KAZN: variants seen among roughly 807,000 people sequenced by gnomAD.
KAZN encodes the protein kazrin.
Under a neutral mutation model 87.4 loss-of-function variants are expected in KAZN, and 40 were observed. The observed-to-expected ratio is 0.46, with a 90% CI of 0.36 to 0.60. KAZN has a LOEUF of 0.60. Ranked by LOEUF, KAZN falls within the 20% of genes least tolerant of loss-of-function variation. KAZN has a pLI of 0.00. For synonymous variants in KAZN, 466 were observed against 458.3 expected, an observed-to-expected ratio of 1.02 and a Z score of -0.22; for missense variants, 898 against 1,073.9, an observed-to-expected ratio of 0.84 and a Z score of 2.29.
At chr1:14,714,308 A>G (rs1642663698) in intron 1 of KAZN, among the ~76,000 whole-genome samples, 1 of 152,182 alleles carries the variant, frequency 6.6e-6, no homozygotes, top group South Asian at 2.1e-4. Flanking sequence ...GGTGAAGAGT[A>G]TTAGAGTATC....
At chr1:14,988,933 G>T (rs1281272064) in intron 2 of KAZN, among the ~76,000 whole-genome samples, 1 of 152,232 alleles carries the variant, frequency 6.6e-6, no homozygotes, top group East Asian at 1.9e-4. Context: ...CCTGGGGGAG[G>T]TCCTCGCACA....
intron 1 of KAZN, among the ~76,000 whole-genome samples, chr1:14,050,864 A>C (rs1279830400): frequency 6.6e-6 from 1 of 152,222 alleles, no homozygotes; most frequent in Non-Finnish European, 1.5e-5. Flanking sequence ...AGAACAAAGC[A>C]GGTGGCTGAG....
chr1:14,203,073 A>T (rs940331420), intron 2 of KAZN, among the ~76,000 whole-genome samples: 6 of 152,012 alleles, frequency 3.9e-5, no homozygotes, highest in African/African-American at 1.4e-4. Flanking sequence ...TGCAAATATA[A>T]GGAATTCTTA....
chr1:14,592,567 A>G lies in KAZN; in HGVS notation c.250-6416A>G, dbSNP rs144579689. ...AAGCAGCTTCTGAGAATTCCATGTC[A>G]TGTGGTCTTCATCTTCGCTTCGGGA... On this transcript the variant is annotated intron_variant, in intron 2 of 16. Coordinates refer to the KAZN transcript ENST00000636203. Among the ~76,000 whole-genome samples the G allele has an allele frequency of 5.3e-3, 802 of 152,282 alleles. 5 individuals are homozygous for G. Among genetic ancestry groups the G allele is most frequent in the Non-Finnish European group, 8.4e-3 (572 of 68,024 alleles).
At chr1:14,456,700 G>A (rs567306875) in intron 2 of KAZN, among the ~76,000 whole-genome samples, 131 of 152,190 alleles carry the variant, frequency 8.6e-4, no homozygotes, top group African/African-American at 2.9e-3. Context: ...ACAAAGCACC[G>A]ATGAGCATTC....
intron 2 of KAZN, among the ~76,000 whole-genome samples, chr1:14,269,090 TTC>T (rs374327402): frequency 2.6e-5 from 4 of 151,220 alleles, no homozygotes; most frequent in Non-Finnish European, 5.9e-5. Context: ...TTTGGCTGGG[TTC>T]TCTCTCTCTC....
chr1:14,835,942 T>C (rs558425178), intron 1 of KAZN, among the ~76,000 whole-genome samples: 18 of 152,194 alleles, frequency 1.2e-4, no homozygotes, highest in African/African-American at 4.3e-4. Flanking sequence ...AGTCAGCAGA[T>C]GCAGGCCAAA....
At chr1:14,416,879 C>A (rs771225493) in intron 2 of KAZN, among the ~76,000 whole-genome samples, 5 of 151,806 alleles carry the variant, frequency 3.3e-5, no homozygotes, top group Non-Finnish European at 7.4e-5. Flanking sequence ...CACTTGAGAT[C>A]AGGAGTTTAA....
At chr1:14,313,591 G>A (rs1015762961) in intron 2 of KAZN, among the ~76,000 whole-genome samples, 1 of 152,024 alleles carries the variant, frequency 6.6e-6, no homozygotes, top group African/African-American at 2.4e-5. Context: ...AATATCTTGG[G>A]TAAGTCACTT....
chr1:14,583,789 C>T (rs977380894), intron 2 of KAZN, among the ~76,000 whole-genome samples: 8 of 152,132 alleles, frequency 5.3e-5, no homozygotes, highest in Non-Finnish European at 1.2e-4. Context: ...GTGATGATCG[C>T]GTTTATTCCT....
chr1:14,266,222 G>A (rs1358954429), intron 2 of KAZN, among the ~76,000 whole-genome samples: 3 of 152,212 alleles, frequency 2.0e-5, no homozygotes, highest in Admixed American at 1.3e-4. Flanking sequence ...CAGCCAGAAT[G>A]TAATTACATC....
chr1:14,505,538 G>A (rs778642037), intron 2 of KAZN, among the ~76,000 whole-genome samples: 2 of 152,162 alleles, frequency 1.3e-5, no homozygotes, highest in Non-Finnish European at 2.9e-5. Context: ...AATACTCCAT[G>A]ATTCCACTTA....
chr1:14,154,698 T>G (rs572820766), intron 1 of KAZN, among the ~76,000 whole-genome samples: 1 of 152,358 alleles, frequency 6.6e-6, no homozygotes, highest in South Asian at 2.1e-4. Context: ...AGGGTTTTTA[T>G]CATGAAGGGA....
chr1:15,105,778 G>C lies in KAZN; in HGVS notation c.2048+1589G>C, dbSNP rs1222913085. On this transcript the variant is annotated intron_variant, in intron 13 of 14. Transcript: ENST00000376030. ...TGGCAGGGTCCAGGTGTCCTGGGCT[G>C]CTCTTCCCTATTGGAGGCTGACACC... Among the ~76,000 whole-genome samples the C allele has an allele frequency of 2.0e-5, 3 of 152,242 alleles. No homozygotes were observed. In the East Asian group the frequency reaches 5.8e-4, roughly 29 times the overall value.
intron 2 of KAZN, among the ~76,000 whole-genome samples, chr1:14,458,516 T>C (rs1320556341): frequency 2.0e-5 from 3 of 152,216 alleles, no homozygotes; most frequent in Non-Finnish European, 2.9e-5. Flanking sequence ...TCTCGTCTTG[T>C]TCTTGTCTTA....
At chr1:14,906,039 T>C (rs1194782686) in intron 1 of KAZN, among the ~76,000 whole-genome samples, 4 of 151,562 alleles carry the variant, frequency 2.6e-5, no homozygotes, top group Non-Finnish European at 5.9e-5. Context: ...TGGTGGCACA[T>C]GCCTGTAATC....
At chr1:14,007,720 T>C (rs1383682607) in intron 1 of KAZN, among the ~76,000 whole-genome samples, 1 of 152,208 alleles carries the variant, frequency 6.6e-6, no homozygotes, top group Non-Finnish European at 1.5e-5. Flanking sequence ...ACTGGCTCAC[T>C]TGGGTGTGAG....
intron 2 of KAZN, among the ~76,000 whole-genome samples, chr1:14,266,906 CTTTAAAT>C (rs1416354817): frequency 6.6e-6 from 1 of 151,650 alleles, no homozygotes; most frequent in Non-Finnish European, 1.5e-5. Flanking sequence ...TATTATTATA[CTTTAAAT>C]TTTAGGGTAC....
chr1:14,731,141 T>C (rs1643659745), intron 1 of KAZN, among the ~76,000 whole-genome samples: 2 of 151,902 alleles, frequency 1.3e-5, no homozygotes, highest in Non-Finnish European at 2.9e-5. Flanking sequence ...TTGATAAACA[T>C]TTTACAATAC....
Sources: gnomAD v4.1 joint callset for allele counts (sites outside exome capture counted in the v4.1 genomes callset) on GRCh38, gnomAD v4.1.1 for gene constraint, MANE v1.5 for transcripts, NCBI Gene and HGNC (gene_info 2026-07-23, HGNC 2026-07-21) for gene names.